Variants in MECOM observed in about 807,000 individuals in gnomAD.
MECOM encodes histone-lysine N-methyltransferase MECOM.
A neutral mutation model predicts 116.3 loss-of-function variants in MECOM; 13 were observed. The ratio of observed to expected loss-of-function variants is 0.11; its 90% confidence interval spans 0.07 to 0.18. MECOM has a LOEUF of 0.18. MECOM is among the 10% of genes least tolerant of loss of function. MECOM has a pLI of 1.00. For synonymous variants in MECOM, 528 were observed against 535.2 expected (o/e 0.99, Z 0.19); for missense variants, 1,299 against 1,509.0 (o/e 0.86, Z 2.31).
intron 2 of MECOM, among the ~76,000 whole-genome samples, chr3:169,160,102 T>G (rs1742626523): frequency 6.6e-6 from 1 of 152,182 alleles, no homozygotes; most frequent in African/African-American, 2.4e-5. Context: ...AAACAAATAT[T>G]TTGTCCCTTT....
intron 2 of MECOM, among the ~76,000 whole-genome samples, chr3:169,214,097 C>G (rs950378526): frequency 6.6e-6 from 1 of 152,152 alleles, no homozygotes; most frequent in African/African-American, 2.4e-5. Context: ...ACACTGCCCC[C>G]ATCTTTCAAT....
intron 1 of MECOM, among the ~76,000 whole-genome samples, chr3:169,433,857 C>T (rs74826792): frequency 2.0e-5 from 3 of 151,878 alleles, no homozygotes; most frequent in East Asian, 1.9e-4. Flanking sequence ...AATGTTTGAA[C>T]GCAGGAGATT....
At chr3:169,350,686 C>CT (rs556310464) in intron 2 of MECOM, among the ~76,000 whole-genome samples, 3 of 151,312 alleles carry the variant, frequency 2.0e-5, no homozygotes, top group South Asian at 2.1e-4. Flanking sequence ...TAAATTATAC[C>CT]TTTTTTTTAC....
At chr3:169,377,760 G>A (rs1386041534) in intron 2 of MECOM, among the ~76,000 whole-genome samples, 2 of 152,132 alleles carry the variant, frequency 1.3e-5, no homozygotes, top group Admixed American at 6.5e-5. Context: ...GGAAGACGGT[G>A]TGGCGATTCC....
intron 2 of MECOM, among the ~76,000 whole-genome samples, chr3:169,150,467 A>T (rs1217166944): frequency 2.0e-4 from 31 of 152,256 alleles, no homozygotes; most frequent in Non-Finnish European, 1.5e-5. Context: ...AATCAGTAAC[A>T]TGCGTGTTCT....
At chr3:169,491,836 A>G (rs1363423236) in intron 1 of MECOM, among the ~76,000 whole-genome samples, 2 of 152,354 alleles carry the variant, frequency 1.3e-5, no homozygotes, top group East Asian at 3.9e-4. Context: ...CTAAATGTAC[A>G]AAATGCTATG....
intron 2 of MECOM, among the ~76,000 whole-genome samples, chr3:169,283,720 T>C (rs1712668269): frequency 6.6e-6 from 1 of 152,200 alleles, no homozygotes; most frequent in Non-Finnish European, 1.5e-5. Context: ...TTAAAATTAT[T>C]TACCTTGCCC....
chr3:169,277,189 C>T (rs983581768), intron 2 of MECOM, among the ~76,000 whole-genome samples: 3 of 152,132 alleles, frequency 2.0e-5, no homozygotes, highest in African/African-American at 7.2e-5. Flanking sequence ...CAATGTGTTT[C>T]TCTGGTCTTC....
intron 2 of MECOM, among the ~76,000 whole-genome samples, chr3:169,311,081 T>G (rs1206488699): frequency 6.6e-6 from 1 of 152,250 alleles, no homozygotes; most frequent in Non-Finnish European, 1.5e-5. Flanking sequence ...CATGCTCTAA[T>G]GCTGTTCTTC....
At chr3:169,350,017 A>G (rs572485104) in intron 2 of MECOM, among the ~76,000 whole-genome samples, 1 of 152,042 alleles carries the variant, frequency 6.6e-6, no homozygotes, top group Non-Finnish European at 1.5e-5. Context: ...AAAATATGAT[A>G]GAGTCTAATG....
rs372766828 is a variant in MECOM at position 169,381,203 on chromosome 3, G to A, written c.359C>T (p.Pro120Leu). ...CATTCTTACCTCCCATCCATAACTG[G>A]GGTCTTTCAGGTTTGACCTCTGCTC... is the stretch of plus-strand genomic sequence containing the variant. ...VGEQRSNLKDPSYGWEILDEF... is the reference protein window; with the variant it reads ...VGEQRSNLKDLSYGWEILDEF... The change falls in exon 2 of 17, where the codon CCC becomes CTC. Residue 120 changes from proline to leucine, a missense_variant. By Grantham distance (98) the Pro-to-Leu change is moderately conservative. Around this residue, in one of 6 missense-constraint regions of MECOM, gnomAD observed 374 missense variants for 433.4 expected, o/e 0.86. Coordinates refer to ENST00000651503, the MANE Select transcript of MECOM (RefSeq NM_004991.4). 7.0e-5 allele frequency: 113 copies of A among 1,606,012 alleles called. No individual in the cohort carries two copies. Among genetic ancestry groups the A allele is most frequent in the Non-Finnish European group, 9.1e-5 (107 of 1,173,650 alleles).
intron 2 of MECOM, among the ~76,000 whole-genome samples, chr3:169,378,462 CAAGCAAGCAAGCAAGAAAGA>C (rs1400691325): frequency 1.8e-4 from 7 of 39,218 alleles, no homozygotes; most frequent in African/African-American, 7.2e-4. Flanking sequence ...GGAAAGCAAG[CAAGCAAGCAAGCAAGAAAGA>C]GAGAGAGAAA....
At chr3:169,458,568 A>G (rs1305865758) in intron 1 of MECOM, among the ~76,000 whole-genome samples, 1 of 152,198 alleles carries the variant, frequency 6.6e-6, no homozygotes, top group Non-Finnish European at 1.5e-5. Context: ...CGAACCATTT[A>G]TGCAACCTGG....
intron 2 of MECOM, among the ~76,000 whole-genome samples, chr3:169,217,753 C>T (rs946149842): frequency 6.6e-6 from 1 of 151,824 alleles, no homozygotes; most frequent in African/African-American, 2.4e-5. Context: ...CACTGCACTC[C>T]AACCTGGGCA....
chr3:169,115,300 G>A, intron 8 of MECOM, 83 bp downstream of exon 8: 2 of 1,348,324 alleles, frequency 1.5e-6, no homozygotes, highest in East Asian at 2.3e-5. Context: ...TAAAAATGAT[G>A]TGTTAAAAAG....
At chr3:169,522,201 T>C (rs1757427895) in intron 1 of MECOM, among the ~76,000 whole-genome samples, 1 of 152,218 alleles carries the variant, frequency 6.6e-6, no homozygotes, top group Non-Finnish European at 1.5e-5. Context: ...ATGTAGCTCA[T>C]GTTCATGCTT....
chr3:169,268,704 G>C (rs759050693), intron 2 of MECOM, among the ~76,000 whole-genome samples: 27 of 152,170 alleles, frequency 1.8e-4, no homozygotes, highest in Non-Finnish European at 2.8e-4. Flanking sequence ...CTGGAGAAAG[G>C]CCAGGCCATT....
chr3:169,197,823 T>G (rs967370104), intron 2 of MECOM, among the ~76,000 whole-genome samples: 1 of 152,022 alleles, frequency 6.6e-6, no homozygotes, highest in Non-Finnish European at 1.5e-5. Flanking sequence ...GGCTCTGCTA[T>G]AGCAGACTTT....
At chr3:169,378,583 AAAGTAAGT>A (rs56896782) in intron 2 of MECOM, among the ~76,000 whole-genome samples, 10,309 of 63,684 alleles carry the variant, frequency 0.16, 1,757 homozygotes, top group African/African-American at 0.19. Flanking sequence ...AGAAAGAAAG[AAAGTAAGT>A]AAGTAAGTTT....
Sources: gnomAD v4.1 joint callset for allele counts (sites outside exome capture counted in the v4.1 genomes callset) on GRCh38, gnomAD v4.1.1 for gene constraint, gnomAD v4.1.1 regional missense constraint, MANE v1.5 for transcripts, NCBI Gene and HGNC (gene_info 2026-07-23, HGNC 2026-07-21) for gene names.